Variants in PRSS57 observed in about 807,000 individuals in gnomAD.
PRSS57 encodes serine protease 57.
A neutral mutation model predicts 20.6 loss-of-function variants in PRSS57; 19 were observed. That is an observed-to-expected ratio of 0.92 (90% CI 0.64 to 1.35). The LOEUF (loss-of-function observed/expected upper bound fraction) is 1.35. Ranked by LOEUF, PRSS57 falls within the 40% of genes most tolerant of loss-of-function variation. PRSS57 has a pLI of 0.00. For synonymous variants in PRSS57, 203 were observed against 176.6 expected (o/e 1.15, Z -1.19); for missense variants, 440 against 403.7 (o/e 1.09, Z -0.77).
intron 2 of PRSS57, among the ~76,000 whole-genome samples, chr19:693,103 AT>A (rs545511003): frequency 2.7e-5 from 4 of 146,458 alleles, no homozygotes; most frequent in Non-Finnish European, 1.5e-5. Flanking sequence ...AATTTTTTGT[AT>A]TTTTTTTTAG....
chr19:693,039 T>A (rs1745656785), intron 2 of PRSS57, among the ~76,000 whole-genome samples: 1 of 151,614 alleles, frequency 6.6e-6, no homozygotes, highest in Non-Finnish European at 1.5e-5. Flanking sequence ...GCCATTCTCC[T>A]GCCTCAGCCT....
Position 694,980 on chromosome 19 carries a change from C to T in PRSS57, c.80-13G>A, listed in dbSNP as rs763612831. The T allele has an allele frequency of 2.3e-5, 35 of 1,514,734 alleles. No homozygotes were observed. The highest frequency in any genetic ancestry group is 2.9e-5 in the Non-Finnish European group (33 of 1,130,610). The allele number at this position is 1,514,734 out of a possible 1,614,324, so 93.8% of individuals were successfully genotyped here. A position where few individuals can be genotyped will look rare whatever the true frequency, so the allele number is the denominator to read the frequency against. ...GCCCCCCAGGAGCCTGCTGGAGGGA[C>T]GGCCTGAGTCAGGGACGAGGCGGGA... On this transcript the variant is annotated splice_polypyrimidine_tract_variant and intron_variant, in intron 1 of 4. Transcript: ENST00000329267.
At chr19:694,227 C>T (rs963936222) in intron 2 of PRSS57, among the ~76,000 whole-genome samples, 1 of 151,988 alleles carries the variant, frequency 6.6e-6, no homozygotes, top group African/African-American at 2.4e-5. Context: ...GGAGGGGACC[C>T]ACCCACCCTG....
chr19:695,305 C>A, intron 1 of PRSS57, 47 bp downstream of exon 1: 3 of 976,232 alleles, frequency 3.1e-6, no homozygotes, highest in Non-Finnish European at 4.0e-6. Flanking sequence ...GGCCCCCGTA[C>A]GGGGACTTGG....
chr19:694,572 A>AAAAAAAAAAAC (rs1366524610), intron 2 of PRSS57, among the ~76,000 whole-genome samples: 1 of 151,698 alleles, frequency 6.6e-6, no homozygotes, highest in African/African-American at 2.4e-5. Context: ...AAAAAAAAAA[A>AAAAAAAAAAAC]AGAACATAGT....
Position 695,364 on chromosome 19 carries a change from C to T in PRSS57, c.67G>A (p.Val23Met), listed in dbSNP as rs200389913. ...LTVATALMLP[V>M]KPPGSWGAQI... ...GGGGGCTCCTCACCGGGGGGCTTCA[C>T]GGGCAGCATCAGGGCGGTGGCCACA... Residue 23 changes from valine (V) to methionine (M), a missense_variant, in exon 1 of 5, where the codon GTG (valine) becomes ATG (methionine). Physicochemically the swap from Val to Met is conservative, Grantham distance 21. Transcript: ENST00000329267. 231 of 1,277,212 alleles carry T rather than the reference C, an allele frequency of 1.8e-4. No individual in the cohort carries two copies. The highest frequency in any genetic ancestry group is 2.1e-4 in the Non-Finnish European group (207 of 1,007,486). 79.1% of individuals were successfully genotyped at this position (1,277,212 alleles called of 1,614,324 possible).
At chr19:686,547 T>C (rs2031478023) in intron 4 of PRSS57, among the ~76,000 whole-genome samples, 1 of 152,092 alleles carries the variant, frequency 6.6e-6, no homozygotes, top group Non-Finnish European at 1.5e-5. Flanking sequence ...TAAGTGTGTG[T>C]CCTGAACCAA....
chr19:685,929 T>A lies in PRSS57; in HGVS notation c.643-7A>T. 6.5e-7 allele frequency: 1 copy of A among 1,532,248 alleles called. No individual in the cohort carries two copies. The highest frequency in any genetic ancestry group is 8.8e-7 in the Non-Finnish European group (1 of 1,135,244). 94.9% of individuals were successfully genotyped at this position (1,532,248 alleles called of 1,614,324 possible). ...GGGGCCCTCCGGAGTCGGCCTGGAG[T>A]GAAAGGAGAGGTGAGGTCAGGGCCT... On this transcript the variant is annotated splice_polypyrimidine_tract_variant and splice_region_variant and intron_variant, in intron 4 of 4. Coordinates refer to ENST00000329267, the MANE Select transcript of PRSS57 (RefSeq NM_001308209.2).
intron 3 of PRSS57, among the ~76,000 whole-genome samples, chr19:691,584 C>A (rs2031647966): frequency 6.7e-6 from 1 of 149,842 alleles, no homozygotes. Flanking sequence ...CTTTGGGAGG[C>A]CGAGGCAGGT....
intron 2 of PRSS57, among the ~76,000 whole-genome samples, chr19:693,229 C>CTT (rs1171032187): frequency 0.33 from 35,945 of 108,230 alleles, 8,846 homozygotes; most frequent in African/African-American, 0.51. Flanking sequence ...CCGCACCCGG[C>CTT]CTTTTTTTTT....
chr19:689,469 G>C (rs541176417), intron 3 of PRSS57, among the ~76,000 whole-genome samples: 2 of 152,094 alleles, frequency 1.3e-5, no homozygotes, highest in Non-Finnish European at 2.9e-5. Context: ...GGATGGGATG[G>C]CCCATCCGGG....
chr19:693,171 T>C (rs1191703266), intron 2 of PRSS57, among the ~76,000 whole-genome samples: 1 of 150,376 alleles, frequency 6.6e-6, no homozygotes, highest in African/African-American at 2.5e-5. Context: ...GACCTCGTGA[T>C]CCGCCTGCCT....
In PRSS57 at chr19:691,966, G is replaced by A. The variant is rs143303748; in HGVS notation, c.270C>T (p.His90=). 192 of 1,327,772 alleles carry A rather than the reference G, an allele frequency of 1.4e-4. 2 individuals carry two copies. The highest frequency in any genetic ancestry group is 3.4e-4 in the East Asian group (12 of 35,724). The allele number at this position is 1,327,772 out of a possible 1,614,324, so 82.2% of individuals were successfully genotyped here. A position where few individuals can be genotyped will look rare whatever the true frequency, so the allele number is the denominator to read the frequency against. The change falls in exon 3 of 5, where the codon CAC becomes CAT. Residue 90 remains histidine (H), a synonymous_variant. Coordinates refer to ENST00000329267, the MANE Select transcript of PRSS57 (RefSeq NM_001308209.2). ...LRTGLVVLGA[H]VLSTAEPTQQ... Reference sequence around the variant, plus strand: ...GGGTGGGCTCCGCAGTACTCAGGACGTGGGCGCCCAGCACCACCAGGCCAG... The same window carrying A: ...GGGTGGGCTCCGCAGTACTCAGGACATGGGCGCCCAGCACCACCAGGCCAG...
At chr19:691,023 C>T (rs1237810489) in intron 3 of PRSS57, 4 of 379,442 alleles carry the variant, frequency 1.1e-5, no homozygotes, top group South Asian at 2.6e-5. Flanking sequence ...TTGCCAAGGC[C>T]GCCTCTGATA....
At chr19:693,454 C>T (rs9807838) in intron 2 of PRSS57, among the ~76,000 whole-genome samples, 115,906 of 151,866 alleles carry the variant, frequency 0.76, 44,456 homozygotes, top group Non-Finnish European at 0.79. Context: ...GGGCCTCAGT[C>T]CACTCATCTA....
At position 685,934 on chromosome 19, in the gene PRSS57, G is replaced by A; in HGVS notation, c.643-12C>T. On this transcript the variant is annotated splice_polypyrimidine_tract_variant and intron_variant, in intron 4 of 4. Transcript: ENST00000329267. The stretch of plus-strand genomic sequence containing the variant: ...CCTCCGGAGTCGGCCTGGAGTGAAA[G>A]GAGAGGTGAGGTCAGGGCCTCTGGG... 6.5e-7 allele frequency: 1 copy of A among 1,530,194 alleles called. No homozygotes were observed. Among genetic ancestry groups the A allele is most frequent in the Non-Finnish European group, 8.8e-7 (1 of 1,133,550 alleles). 94.8% of individuals were successfully genotyped at this position (1,530,194 alleles called of 1,614,324 possible). A position where few individuals can be genotyped will look rare whatever the true frequency, so the allele number is the denominator to read the frequency against.
At chr19:694,404 C>T (rs2031730490) in intron 2 of PRSS57, among the ~76,000 whole-genome samples, 1 of 151,676 alleles carries the variant, frequency 6.6e-6, no homozygotes, top group South Asian at 2.1e-4. Flanking sequence ...CCAGTCTCTA[C>T]TAAAAATGCA....
chr19:689,435 A>G (rs1356517550), intron 3 of PRSS57, among the ~76,000 whole-genome samples: 1 of 152,046 alleles, frequency 6.6e-6, no homozygotes, highest in East Asian at 1.9e-4. Flanking sequence ...GCTGGTGCAG[A>G]GCTCGGAGCG....
chr19:686,894 G>A (rs2031487959), intron 4 of PRSS57, 31 bp downstream of exon 4: 5 of 1,600,650 alleles, frequency 3.1e-6, no homozygotes, highest in Non-Finnish European at 4.3e-6. Context: ...TCCCCACACA[G>A]TAAGTGGGTG....
Sources: gnomAD v4.1 joint callset for allele counts (sites outside exome capture counted in the v4.1 genomes callset) on GRCh38, gnomAD v4.1.1 for gene constraint, MANE v1.5 for transcripts, NCBI Gene and HGNC (gene_info 2026-07-23, HGNC 2026-07-21) for gene names.